Variants in CACNA1E observed in about 807,000 individuals in gnomAD.
CACNA1E encodes the protein calcium voltage-gated channel subunit alpha1 E.
A neutral mutation model predicts 259.2 loss-of-function variants in CACNA1E; 40 were observed. That is an observed-to-expected ratio of 0.15 (90% CI 0.12 to 0.20). The LOEUF (loss-of-function observed/expected upper bound fraction) is 0.20, where lower values mean the gene tolerates loss of function less well. Among genes scored for constraint, CACNA1E ranks in the 10% least tolerant of loss-of-function variants. The pLI is 1.00. For synonymous variants in CACNA1E, 1,104 were observed against 1,138.5 expected (o/e 0.97, Z 0.61); for missense variants, 1,874 against 3,040.1 (o/e 0.62, Z 9.02).
chr1:181,665,156 TACACACAC>T (rs10603505), intron 7 of CACNA1E, among the ~76,000 whole-genome samples: 4 of 150,006 alleles, frequency 2.7e-5, no homozygotes, highest in Admixed American at 6.6e-5. Flanking sequence ...TATATACCTA[TACACACAC>T]ACACACACAC....
intron 2 of CACNA1E, among the ~76,000 whole-genome samples, chr1:181,424,697 T>A (rs554707077): frequency 3.9e-5 from 6 of 152,348 alleles, no homozygotes; most frequent in African/African-American, 1.2e-4. Context: ...GTTTCCATCT[T>A]TTCCAGAGCA....
chr1:181,657,226 C>G (rs1001220865), intron 7 of CACNA1E, among the ~76,000 whole-genome samples: 2 of 151,990 alleles, frequency 1.3e-5, no homozygotes, highest in Non-Finnish European at 2.9e-5. Context: ...TTGATATAGC[C>G]CCTTACAGTG....
At chr1:181,680,296 A>G (rs775423645) in intron 7 of CACNA1E, among the ~76,000 whole-genome samples, 3 of 152,006 alleles carry the variant, frequency 2.0e-5, no homozygotes, top group Non-Finnish European at 2.9e-5. Flanking sequence ...TGTGGTTCCT[A>G]TGTCCTTCTT....
At chr1:181,455,183 A>G (rs1292578563) in intron 2 of CACNA1E, among the ~76,000 whole-genome samples, 1 of 152,200 alleles carries the variant, frequency 6.6e-6, no homozygotes, top group Non-Finnish European at 1.5e-5. Context: ...AAAAAAATAG[A>G]AAGTTGGCCA....
At chr1:181,360,732 A>T (rs1653801691) in intron 1 of CACNA1E, among the ~76,000 whole-genome samples, 1 of 152,210 alleles carries the variant, frequency 6.6e-6, no homozygotes, top group African/African-American at 2.4e-5. Flanking sequence ...GGTGAATTTT[A>T]TGTTAAGTGA....
chr1:181,391,939 CTCTCTCTGTG>C (rs1169848766), intron 1 of CACNA1E, among the ~76,000 whole-genome samples: 62 of 111,004 alleles, frequency 5.6e-4, no homozygotes, highest in African/African-American at 2.0e-3. Context: ...CTCTCTCTCT[CTCTCTCTGTG>C]TGTGTGTGTG....
At chr1:181,772,594 A>G (rs1659615407) in intron 37 of CACNA1E, among the ~76,000 whole-genome samples, 1 of 152,220 alleles carries the variant, frequency 6.6e-6, no homozygotes, top group Non-Finnish European at 1.5e-5. Context: ...ATCCTTTGTC[A>G]TACCTCAGGT....
chr1:181,625,136 A>G (rs1656076242), intron 6 of CACNA1E, among the ~76,000 whole-genome samples: 1 of 148,036 alleles, frequency 6.8e-6, no homozygotes, highest in African/African-American at 2.5e-5. Flanking sequence ...ATGTTCTGTC[A>G]TCCAGGCTTT....
At chr1:181,544,226 T>A (rs1334693414) in intron 3 of CACNA1E, among the ~76,000 whole-genome samples, 1 of 152,222 alleles carries the variant, frequency 6.6e-6, no homozygotes, top group African/African-American at 2.4e-5. Flanking sequence ...TATGACTCCA[T>A]TTATATTAAA....
Position 181,485,779 on chromosome 1 carries a change from C to G in CACNA1E, c.266+1769C>G, listed in dbSNP as rs543554259. ...GGCTTCTACGGTTCTCTAAATCTTC[C>G]CATCCACCAGGTGCTGCCTTGCTGT... On this transcript the variant is annotated intron_variant, in intron 1 of 47. Transcript: ENST00000367573. The surrounding 1 kb of genome is among the most constrained non-coding windows in gnomAD (Gnocchi z 4.2). Among the ~76,000 whole-genome samples the G allele has an allele frequency of 1.4e-4, 22 of 152,364 alleles. No individual in the cohort carries two copies. The highest frequency in any genetic ancestry group is 5.3e-4 in the African/African-American group (22 of 41,582).
At chr1:181,376,776 G>A (rs1185250358) in intron 1 of CACNA1E, among the ~76,000 whole-genome samples, 2 of 152,152 alleles carry the variant, frequency 1.3e-5, no homozygotes, top group African/African-American at 4.8e-5. Context: ...GGGATTTTCT[G>A]CTTCTCTTTG....
At chr1:181,587,740 G>A (rs570024567) in intron 6 of CACNA1E, among the ~76,000 whole-genome samples, 3 of 152,284 alleles carry the variant, frequency 2.0e-5, no homozygotes, top group South Asian at 4.1e-4. Context: ...AAAAATAGCC[G>A]GGCGCAGTGG....
chr1:181,461,992 A>G (rs1309953870), intron 2 of CACNA1E, among the ~76,000 whole-genome samples: 1 of 152,054 alleles, frequency 6.6e-6, no homozygotes, highest in Non-Finnish European at 1.5e-5. Context: ...ACTAATGGGG[A>G]TTATAGGGTG....
chr1:181,409,809 A>G (rs1336039835), intron 1 of CACNA1E, among the ~76,000 whole-genome samples: 2 of 152,216 alleles, frequency 1.3e-5, no homozygotes, highest in African/African-American at 2.4e-5. Context: ...AAGATGAGAT[A>G]ATTTCATATT....
intron 3 of CACNA1E, among the ~76,000 whole-genome samples, chr1:181,514,446 T>C (rs1666397237): frequency 1.3e-5 from 2 of 152,176 alleles, no homozygotes; most frequent in South Asian, 4.1e-4. Flanking sequence ...TAATGGCAGA[T>C]GCAGGAGTCA....
At chr1:181,784,355 T>C (rs1260665004) in intron 40 of CACNA1E, among the ~76,000 whole-genome samples, 1 of 152,176 alleles carries the variant, frequency 6.6e-6, no homozygotes, top group Non-Finnish European at 1.5e-5. Flanking sequence ...TTGCGGCTAT[T>C]GTTATTTTCT....
rs1457513688 is a variant in CACNA1E at position 181,757,961 on chromosome 1, C to T, written c.4344C>T (p.Asp1448=). 2 of 1,613,888 alleles carry T rather than the reference C, an allele frequency of 1.2e-6. No individual in the cohort carries two copies. The highest frequency in any genetic ancestry group is 1.7e-6 in the Non-Finnish European group (2 of 1,179,878). Residue 1448 remains aspartate (D), a synonymous_variant, in exon 31 of 48, where the codon GAC becomes GAT. Transcript: ENST00000367573. ...CTTTCTTGCAGAGGGCGTGCATCGACTTCGCCATCAGCGCCAAACCTCTCA... is the reference window on the plus strand; with the variant it reads ...CTTTCTTGCAGAGGGCGTGCATCGATTTCGCCATCAGCGCCAAACCTCTCA... ...SLEKNERACI[D]FAISAKPLTR...
Position 181,356,338 on chromosome 1 carries a change from A to G in CACNA1E, c.-15+38215A>G, listed in dbSNP as rs530957519. Among the ~76,000 whole-genome samples the G allele has an allele frequency of 1.9e-4, 26 of 134,212 alleles. 1 individual carries two copies. In the South Asian group the frequency reaches 3.7e-3, roughly 19 times the overall value. The allele number at this position is 134,212 out of a possible 152,430, so 88.0% of individuals were successfully genotyped here. A position where few individuals can be genotyped will look rare whatever the true frequency, so the allele number is the denominator to read the frequency against. ...CTGTATTCCCTGGCTGTTGCCTTCT[A>G]TTCGTGTGTGTGTGTGTGTGTGTGT... On this transcript the variant is annotated intron_variant, in intron 1 of 11. Transcript: ENST00000524607.
chr1:181,659,410 G>A (rs901505054), intron 7 of CACNA1E, among the ~76,000 whole-genome samples: 5 of 152,360 alleles, frequency 3.3e-5, no homozygotes, highest in African/African-American at 1.2e-4. Context: ...AAAACCATTA[G>A]CTTAGGCATG....
Sources: gnomAD v4.1 joint callset for allele counts (sites outside exome capture counted in the v4.1 genomes callset) on GRCh38, gnomAD v4.1.1 for gene constraint, Gnocchi (gnomAD v3.1) non-coding constraint, MANE v1.5 for transcripts, NCBI Gene and HGNC (gene_info 2026-07-23, HGNC 2026-07-21) for gene names.